CPA6: variants seen among roughly 807,000 people sequenced by gnomAD.
CPA6 encodes the protein carboxypeptidase A6.
CPA6 carries 58 observed loss-of-function variants against 63.3 expected under a neutral mutation model. That is an observed-to-expected ratio of 0.92 (90% CI 0.74 to 1.14). The LOEUF is 1.14. CPA6 is among the 50% of genes most tolerant of loss of function. CPA6 has a pLI of 0.00. For synonymous variants in CPA6, 185 were observed against 179.0 expected, an observed-to-expected ratio of 1.03 and a Z score of -0.27; for missense variants, 565 against 526.6, an observed-to-expected ratio of 1.07 and a Z score of -0.71.
At chr8:67,738,553 GAACAA>G (rs898509599) in intron 1 of CPA6, among the ~76,000 whole-genome samples, 1 of 151,684 alleles carries the variant, frequency 6.6e-6, no homozygotes, top group African/African-American at 2.4e-5. Context: ...AAAAAATACA[GAACAA>G]AACAAAACAA....
intron 1 of CPA6, among the ~76,000 whole-genome samples, chr8:67,741,644 A>C (rs1042843396): frequency 2.0e-5 from 3 of 152,098 alleles, no homozygotes; most frequent in Non-Finnish European, 4.4e-5. Flanking sequence ...ATTGTGAACT[A>C]CCCATGCGAG....
chr8:67,518,131 T>C, intron 2 of CPA6, 84 bp from the exon 3 acceptor site: 1 of 1,296,190 alleles, frequency 7.7e-7, no homozygotes, highest in Non-Finnish European at 1.0e-6. Context: ...ATTCTTTTGT[T>C]TGCATATAGT....
chr8:67,526,495 A>G (rs1812366845), intron 2 of CPA6, among the ~76,000 whole-genome samples: 1 of 152,212 alleles, frequency 6.6e-6, no homozygotes, highest in Admixed American at 6.5e-5. Flanking sequence ...ACAGAGGAAC[A>G]TTATAGTCTT....
chr8:67,671,211 T>C (rs986288532), intron 1 of CPA6, among the ~76,000 whole-genome samples: 1 of 152,232 alleles, frequency 6.6e-6, no homozygotes, highest in African/African-American at 2.4e-5. Flanking sequence ...CACAATGGTG[T>C]CTATCTCAGA....
At chr8:67,619,046 CTA>C (rs1297436908) in intron 2 of CPA6, among the ~76,000 whole-genome samples, 18 of 152,208 alleles carry the variant, frequency 1.2e-4, no homozygotes, top group Non-Finnish European at 1.9e-4. Flanking sequence ...AACAGCAGTT[CTA>C]TGTCTAATTA....
At chr8:67,603,319 A>T (rs1410253829) in intron 2 of CPA6, among the ~76,000 whole-genome samples, 2 of 152,106 alleles carry the variant, frequency 1.3e-5, no homozygotes, top group Non-Finnish European at 2.9e-5. Context: ...TAATTTTAAC[A>T]ATTTTTTTTT....
chr8:67,463,531 A>T (rs935702595), intron 8 of CPA6, among the ~76,000 whole-genome samples: 19 of 152,188 alleles, frequency 1.2e-4, no homozygotes, highest in African/African-American at 4.3e-4. Flanking sequence ...CTTCCCCAAC[A>T]TTTATTTTAA....
intron 8 of CPA6, among the ~76,000 whole-genome samples, chr8:67,470,642 C>G (rs1811037456): frequency 6.6e-6 from 1 of 151,988 alleles, no homozygotes; most frequent in South Asian, 2.1e-4. Context: ...ATGTTTGATT[C>G]TGAAGTGTTT....
chr8:67,715,749 A>T (rs1257520139), intron 1 of CPA6, among the ~76,000 whole-genome samples: 1 of 152,202 alleles, frequency 6.6e-6, no homozygotes, highest in East Asian at 1.9e-4. Context: ...AACGTAACAA[A>T]ATCTCCTTTA....
At chr8:67,653,738 T>A (rs955735188) in intron 1 of CPA6, among the ~76,000 whole-genome samples, 1 of 152,090 alleles carries the variant, frequency 6.6e-6, no homozygotes, top group African/African-American at 2.4e-5. Flanking sequence ...CTTTATTTCC[T>A]TCTCCTGCCT....
rs145999096 is a variant in CPA6, at chr8:67,710,959, A to C, written c.116+35055T>G. 1.2e-3 allele frequency among the ~76,000 whole-genome samples: 180 copies of C among 152,354 alleles called. 1 individual carries two copies. Among genetic ancestry groups the C allele is most frequent in the Middle Eastern group, 3.4e-3 (1 of 294 alleles). Reference sequence around the variant, plus strand: ...CTTAGTAATAAAAAAAATACAAAGTAATGCTCTCCATAGTATATACTTTTC... The same window carrying C: ...CTTAGTAATAAAAAAAATACAAAGTCATGCTCTCCATAGTATATACTTTTC... On this transcript the variant is annotated intron_variant, in intron 1 of 10. Transcript: ENST00000297770.
At chr8:67,704,436 C>T (rs1020370308) in intron 1 of CPA6, among the ~76,000 whole-genome samples, 1 of 152,192 alleles carries the variant, frequency 6.6e-6, no homozygotes, top group Non-Finnish European at 1.5e-5. Context: ...TGCTAAAATG[C>T]TCTGAATGAG....
intron 8 of CPA6, among the ~76,000 whole-genome samples, chr8:67,472,407 C>T (rs4737836): frequency 0.021 from 944 of 46,006 alleles, 14 homozygotes; most frequent in African/African-American, 0.065. Context: ...TTTATTTTAT[C>T]TTATCTTATT....
At chr8:67,427,843 G>A (rs1397783397) in intron 10 of CPA6, among the ~76,000 whole-genome samples, 2 of 152,150 alleles carry the variant, frequency 1.3e-5, no homozygotes, top group African/African-American at 4.8e-5. Context: ...TCTCTGCTTT[G>A]AATTTATTTA....
chr8:67,550,055 C>T (rs1251895309), intron 2 of CPA6, among the ~76,000 whole-genome samples: 3 of 152,200 alleles, frequency 2.0e-5, no homozygotes, highest in Non-Finnish European at 4.4e-5. Flanking sequence ...TCTTTTTCAA[C>T]TTTTTAGATT....
At chr8:67,647,295 A>G (rs901383920) in intron 1 of CPA6, among the ~76,000 whole-genome samples, 23 of 151,682 alleles carry the variant, frequency 1.5e-4, no homozygotes, top group African/African-American at 5.6e-4. Context: ...CTTTTTGGGT[A>G]TGTTAAGTTT....
chr8:67,613,524 T>C (rs1457805497), intron 2 of CPA6, among the ~76,000 whole-genome samples: 1 of 152,234 alleles, frequency 6.6e-6, no homozygotes, highest in African/African-American at 2.4e-5. Context: ...TGTAGAGATA[T>C]ATATGTACAT....
chr8:67,556,934 C>T (rs1035519029), intron 2 of CPA6, among the ~76,000 whole-genome samples: 4 of 152,222 alleles, frequency 2.6e-5, no homozygotes, highest in African/African-American at 9.6e-5. Context: ...GGCCGAGCTT[C>T]ACTGAGCCAC....
intron 10 of CPA6, among the ~76,000 whole-genome samples, chr8:67,427,521 G>C (rs975117064): frequency 6.6e-6 from 1 of 152,114 alleles, no homozygotes; most frequent in Non-Finnish European, 1.5e-5. Flanking sequence ...GGAGATGAGG[G>C]GGGGTTGGAA....
Sources: allele counts gnomAD v4.1 joint callset (sites outside exome capture counted in the v4.1 genomes callset), GRCh38; gene constraint gnomAD v4.1.1; transcripts MANE v1.5; gene names NCBI Gene and HGNC (gene_info 2026-07-23, HGNC 2026-07-21).